NKAIN3: variants seen among roughly 807,000 people sequenced by gnomAD.
NKAIN3 encodes sodium/potassium transporting ATPase interacting 3.
Under a neutral mutation model 30.2 loss-of-function variants are expected in NKAIN3, and 25 were observed. The observed-to-expected ratio is 0.83, with a 90% CI of 0.60 to 1.16. The LOEUF is 1.16. Ranked by LOEUF, NKAIN3 falls within the 50% of genes most tolerant of loss-of-function variation. The probability of loss-of-function intolerance (pLI) is 0.00; values close to 1 mark genes in which losing one functional copy is unlikely to be tolerated. For synonymous variants in NKAIN3, 91 were observed against 89.6 expected (o/e 1.02, Z -0.09); for missense variants, 225 against 254.1 (o/e 0.89, Z 0.78).
intron 3 of NKAIN3, among the ~76,000 whole-genome samples, chr8:62,631,302 G>C (rs1298948819): frequency 6.6e-6 from 1 of 152,088 alleles, no homozygotes; most frequent in Non-Finnish European, 1.5e-5. Flanking sequence ...ACATGTCAGA[G>C]ATTAACCTTG....
At chr8:62,804,195 C>A (rs919846441) in intron 4 of NKAIN3, among the ~76,000 whole-genome samples, 1 of 152,194 alleles carries the variant, frequency 6.6e-6, no homozygotes, top group African/African-American at 2.4e-5. Flanking sequence ...CAAGGAGGAA[C>A]TGGTACCATT....
At chr8:62,932,390 G>A (rs1261163548) in intron 5 of NKAIN3, among the ~76,000 whole-genome samples, 1 of 152,216 alleles carries the variant, frequency 6.6e-6, no homozygotes, top group Non-Finnish European at 1.5e-5. Flanking sequence ...TGTAAAGTGA[G>A]TCAGATGTGC....
chr8:62,414,010 G>T (rs1472388600), intron 1 of NKAIN3, among the ~76,000 whole-genome samples: 5 of 152,032 alleles, frequency 3.3e-5, no homozygotes, highest in African/African-American at 1.2e-4. Flanking sequence ...GAATAAATCA[G>T]CAATGACCAA....
At chr8:62,504,881 A>T (rs1807580545) in intron 1 of NKAIN3, among the ~76,000 whole-genome samples, 1 of 152,136 alleles carries the variant, frequency 6.6e-6, no homozygotes, top group African/African-American at 2.4e-5. Context: ...CAAACAAGCT[A>T]TCCAGGTTAA....
At chr8:62,472,318 G>A (rs1411899403) in intron 1 of NKAIN3, among the ~76,000 whole-genome samples, 1 of 152,190 alleles carries the variant, frequency 6.6e-6, no homozygotes, top group Non-Finnish European at 1.5e-5. Context: ...GTGAAGCTGA[G>A]TGGGGAAGCT....
At chr8:62,302,069 T>C (rs1157582707) in intron 1 of NKAIN3, among the ~76,000 whole-genome samples, 3 of 152,066 alleles carry the variant, frequency 2.0e-5, no homozygotes, top group African/African-American at 7.2e-5. Context: ...TCTACAAGGC[T>C]TCCAAGATGA....
At chr8:62,603,530 A>T (rs554673689) in intron 3 of NKAIN3, among the ~76,000 whole-genome samples, 1 of 152,138 alleles carries the variant, frequency 6.6e-6, no homozygotes, top group Non-Finnish European at 1.5e-5. Flanking sequence ...CCATGTAGAC[A>T]GTTGAAGGAA....
chr8:62,998,572 G>A (rs1350858056), intron 5 of NKAIN3, among the ~76,000 whole-genome samples: 2 of 152,138 alleles, frequency 1.3e-5, no homozygotes, highest in Non-Finnish European at 2.9e-5. Flanking sequence ...ACCGCTCCTG[G>A]CTGCTTTTCA....
intron 3 of NKAIN3, among the ~76,000 whole-genome samples, chr8:62,592,045 G>A (rs1424417976): frequency 1.3e-5 from 2 of 151,948 alleles, no homozygotes; most frequent in African/African-American, 4.8e-5. Context: ...TCCCTATGCT[G>A]TCAATTTGGT....
intron 1 of NKAIN3, among the ~76,000 whole-genome samples, chr8:62,578,203 C>T (rs1810177396): frequency 6.6e-6 from 1 of 152,012 alleles, no homozygotes; most frequent in Non-Finnish European, 1.5e-5. Flanking sequence ...ATGTAGAATA[C>T]AAGAAATACT....
At chr8:62,316,772 A>C (rs1444151853) in intron 1 of NKAIN3, among the ~76,000 whole-genome samples, 3 of 152,186 alleles carry the variant, frequency 2.0e-5, no homozygotes, top group Non-Finnish European at 4.4e-5. Context: ...AGCATGATTT[A>C]TAATCCTTTG....
At chr8:62,628,156 C>T (rs1270783040) in intron 3 of NKAIN3, among the ~76,000 whole-genome samples, 1 of 152,106 alleles carries the variant, frequency 6.6e-6, no homozygotes, top group East Asian at 1.9e-4. Context: ...GATCAAAGGG[C>T]TTGATGAAGC....
At chr8:62,985,365 T>A (rs778506483), downstream of NKAIN3, among the ~76,000 whole-genome samples, 1 of 152,170 alleles carries the variant, frequency 6.6e-6, no homozygotes, top group African/African-American at 2.4e-5. Flanking sequence ...TTAAAGTAGG[T>A]CTCAGGTACC....
At chr8:62,302,632 A>G (rs1234357011) in intron 1 of NKAIN3, among the ~76,000 whole-genome samples, 1 of 152,062 alleles carries the variant, frequency 6.6e-6, no homozygotes, top group African/African-American at 2.4e-5. Flanking sequence ...TTGTAGTGCC[A>G]GGACATAAAA....
chr8:62,841,534 G>A (rs1819532372), intron 4 of NKAIN3, among the ~76,000 whole-genome samples: 1 of 151,990 alleles, frequency 6.6e-6, no homozygotes, highest in South Asian at 2.1e-4. Flanking sequence ...TTACATGGAT[G>A]AATCTTTTTT....
intron 4 of NKAIN3, among the ~76,000 whole-genome samples, chr8:62,832,823 C>A (rs796744774): frequency 6.6e-6 from 1 of 151,948 alleles, no homozygotes; most frequent in South Asian, 2.1e-4. Context: ...GACTTAAACT[C>A]GACACTTGGC....
chr8:62,554,693 T>C (rs570156782), intron 1 of NKAIN3, among the ~76,000 whole-genome samples: 3 of 152,258 alleles, frequency 2.0e-5, no homozygotes, highest in African/African-American at 7.2e-5. Context: ...ATAAAATTCC[T>C]ACCTGAAATT....
At chr8:62,782,205 A>G (rs769505471) in intron 4 of NKAIN3, among the ~76,000 whole-genome samples, 2 of 152,006 alleles carry the variant, frequency 1.3e-5, no homozygotes, top group Non-Finnish European at 2.9e-5. Context: ...AAATGCAAAA[A>G]AAAACTACAA....
intron 1 of NKAIN3, among the ~76,000 whole-genome samples, chr8:62,323,399 A>G (rs532380384): frequency 6.6e-6 from 1 of 152,342 alleles, no homozygotes; most frequent in African/African-American, 2.4e-5. Context: ...GAGGCACGGG[A>G]AAGTTTTTAA....
Sources: allele counts gnomAD v4.1 joint callset (sites outside exome capture counted in the v4.1 genomes callset), GRCh38; gene constraint gnomAD v4.1.1; transcripts MANE v1.5; gene names NCBI Gene and HGNC (gene_info 2026-07-23, HGNC 2026-07-21).